The following MID2 variants were observed in gnomAD, a reference collection of about 807,000 sequenced individuals.
MID2 encodes the protein midline 2, also known as probable E3 ubiquitin-protein ligase MID2.
In MID2, 13 loss-of-function variants were observed where a neutral mutation model predicts 46.1. That is an observed-to-expected ratio of 0.28 (90% CI 0.18 to 0.45). The LOEUF (loss-of-function observed/expected upper bound fraction) is 0.45, where lower values mean the gene tolerates loss of function less well. Ranked by LOEUF, MID2 falls within the 20% of genes least tolerant of loss-of-function variation. MID2 has a pLI of 1.00. For missense variants in MID2, 431 were observed against 575.4 expected, an observed-to-expected ratio of 0.75 and a Z score of 2.57; for synonymous variants, 199 against 212.3, an observed-to-expected ratio of 0.94 and a Z score of 0.55.
intron 3 of MID2, among the ~76,000 whole-genome samples, chrX:107,869,056 G>C (rs762863157): frequency 2.9e-4 from 32 of 109,412 alleles, no homozygotes; most frequent in Non-Finnish European, 5.4e-4. Context: ...CTTGTGAAAG[G>C]TCTCCCCCTC....
intron 3 of MID2, among the ~76,000 whole-genome samples, chrX:107,863,867 G>A (rs1300490180): frequency 8.9e-6 from 1 of 112,432 alleles, no homozygotes; most frequent in Non-Finnish European, 1.9e-5. Context: ...AGCAAGGATT[G>A]GGAGGAAGAG....
rs374183811 is a variant in MID2, at chrX:107,924,382, A to G, written c.1475A>G (p.Asn492Ser). Reference protein sequence around the residue: ...NSVDSWMIVPNIKQNHYTVHG... With the variant: ...NSVDSWMIVPSIKQNHYTVHG... ...GTAGACAGCTGGATGATTGTTCCCA[A>G]CATTAAACAGAACCATTACACAGTG... is the stretch of plus-strand genomic sequence containing the variant. The change falls in exon 8 of 10, where the codon AAC becomes AGC. Residue 492 changes from asparagine (N) to serine (S), a missense_variant. Physicochemically the swap from Asn to Ser is conservative, Grantham distance 46. Transcript: ENST00000262843. The G allele has an allele frequency of 4.1e-6, 5 of 1,208,647 alleles. No homozygotes were observed. The highest frequency in any genetic ancestry group is 3.5e-5 in the South Asian group (2 of 56,758).
chrX:107,862,479 A>G (rs1383868529), intron 3 of MID2, among the ~76,000 whole-genome samples: 1 of 112,304 alleles, frequency 8.9e-6, no homozygotes, highest in Non-Finnish European at 1.9e-5. Context: ...GCCCACCAGT[A>G]ACTCTGCAGA....
chrX:107,874,747 C>G (rs1367034038), intron 3 of MID2, among the ~76,000 whole-genome samples: 1 of 111,460 alleles, frequency 9.0e-6, no homozygotes, highest in Non-Finnish European at 1.9e-5. Context: ...TATCCATAGT[C>G]TGAAGAATCC....
chrX:107,888,255 G>A (rs1466179411), intron 3 of MID2, among the ~76,000 whole-genome samples: 1 of 111,650 alleles, frequency 9.0e-6, no homozygotes, highest in African/African-American at 3.3e-5. Context: ...TTCTCTTGTG[G>A]GCATTTAGTG....
intron 3 of MID2, among the ~76,000 whole-genome samples, chrX:107,863,752 G>T (rs1931902695): frequency 8.9e-6 from 1 of 112,388 alleles, no homozygotes; most frequent in Non-Finnish European, 1.9e-5. Flanking sequence ...TAAAAACCCA[G>T]ACTTGAAACC....
At chrX:107,866,478 A>AC (rs1931961445) in intron 3 of MID2, among the ~76,000 whole-genome samples, 3 of 100,386 alleles carry the variant, frequency 3.0e-5, no homozygotes, top group Non-Finnish European at 6.1e-5. Context: ...CACACACACA[A>AC]CACTGACCTA....
At chrX:107,895,989 T>A (rs1932723980) in intron 3 of MID2, 1 of 112,513 alleles carries the variant, frequency 8.9e-6, no homozygotes, top group East Asian at 2.8e-4. Context: ...TCACAAAAAA[T>A]TTTATAGCTA....
chrX:107,833,525 C>T (rs977569443), intron 1 of MID2, among the ~76,000 whole-genome samples: 55 of 109,183 alleles, frequency 5.0e-4, no homozygotes, highest in African/African-American at 1.7e-3. Flanking sequence ...GAAGGGAATA[C>T]TATAACTCCT....
In MID2 at chrX:107,828,567, A is replaced by G. The variant is rs188490658; in HGVS notation, c.4+2137A>G. Among the ~76,000 whole-genome samples, 6 of 111,688 alleles carry G rather than the reference A, an allele frequency of 5.4e-5. No homozygotes were observed. The East Asian group carries it at 1.4e-3, about 26-fold the overall frequency. ...GGTCAAGCTGTCTGAGGGCCTCGCCAAGTGCTGGGATTACAGGCGAGAGCG... is the reference window on the plus strand; with the variant it reads ...GGTCAAGCTGTCTGAGGGCCTCGCCGAGTGCTGGGATTACAGGCGAGAGCG... On this transcript the variant is annotated intron_variant, in intron 1 of 9. Coordinates refer to ENST00000262843, the MANE Select transcript of MID2 (RefSeq NM_012216.4).
chrX:107,924,595 G>T, intron 8 of MID2, 91 bp downstream of exon 8: 1 of 947,852 alleles, frequency 1.1e-6, no homozygotes, highest in African/African-American at 1.9e-5. Flanking sequence ...AGCAGTGCAT[G>T]GGGAGCAGTG....
intron 3 of MID2, among the ~76,000 whole-genome samples, chrX:107,899,029 C>G (rs1328124754): frequency 1.8e-5 from 2 of 110,693 alleles, no homozygotes; most frequent in Non-Finnish European, 3.8e-5. Context: ...CAATGATGCA[C>G]TATAGGACTG....
rs752852478 is a variant in MID2, at chrX:107,841,125, T to C, written c.460T>C (p.Cys154Arg). 3 of 1,209,312 alleles carry C rather than the reference T, an allele frequency of 2.5e-6. No homozygotes were observed. Among genetic ancestry groups the C allele is most frequent in the Admixed American group, 4.4e-5 (2 of 45,749 alleles). The change falls in exon 2 of 10, where the codon TGC becomes CGC. Residue 154 changes from cysteine (C) to arginine (R), a missense_variant. Cys to Arg is a radical substitution (Grantham distance 180). Coordinates refer to ENST00000262843, the MANE Select transcript of MID2 (RefSeq NM_012216.4). ...QDPPRDAVKT[C>R]ITCEVSYCDR... is the part of the protein sequence containing the mutation. ...CCCGCCAAGGGATGCAGTAAAAACA[T>C]GCATCACCTGTGAGGTCTCCTACTG...
intron 2 of MID2, among the ~76,000 whole-genome samples, chrX:107,854,122 G>T (rs944258875): frequency 3.6e-5 from 4 of 111,685 alleles, no homozygotes; most frequent in African/African-American, 9.8e-5. Context: ...TTATGTTAGG[G>T]TTACATCTGG....
intron 2 of MID2, among the ~76,000 whole-genome samples, chrX:107,847,763 C>T (rs1232596736): frequency 1.8e-5 from 2 of 111,455 alleles, no homozygotes; most frequent in Non-Finnish European, 3.8e-5. Context: ...CAGCCTCAAC[C>T]CTGATGGAGC....
At chrX:107,825,775 G>T (rs1431164289), upstream of MID2, 1 of 177,811 alleles carries the variant, frequency 5.6e-6, no homozygotes, top group Admixed American at 8.0e-5. Context: ...ACAGGGCGCT[G>T]GAGAAAAGGC....
rs1318903135 is a variant in MID2, at chrX:107,931,216, T to C, written c.*4143T>C. Among the ~76,000 whole-genome samples the C allele has an allele frequency of 8.9e-6, 1 of 112,184 alleles. No individual in the cohort carries two copies. The highest frequency in any genetic ancestry group is 1.9e-5 in the Non-Finnish European group (1 of 53,210). On this transcript the variant is annotated 3_prime_UTR_variant, in exon 10 of 10. Transcript: ENST00000262843. Reference sequence around the variant, plus strand: ...ATAAACTCAAATATTTGATACTGCTTCCTCCAAGGAATGGAGAGTGTCAGG... The same window carrying C: ...ATAAACTCAAATATTTGATACTGCTCCCTCCAAGGAATGGAGAGTGTCAGG...
At position 107,841,452 on chromosome X, in the gene MID2, T is replaced by C. The variant is rs921355442; in HGVS notation, c.720+67T>C. On this transcript the variant is annotated intron_variant, in intron 2 of 9. Coordinates refer to ENST00000262843, the MANE Select transcript of MID2 (RefSeq NM_012216.4). ...TAAATGCAGTTAGCAAGTTCTCTAA[T>C]AAAATAGGTGACTTTTCCTATATGA... 10 of 839,991 alleles carry C rather than the reference T, an allele frequency of 1.2e-5. No homozygotes were observed. The African/African-American group carries it at 2.0e-4, about 17-fold the overall frequency. The allele number at this position is 839,991 out of a possible 1,213,427, so 69.2% of individuals were successfully genotyped here. A position where few individuals can be genotyped will look rare whatever the true frequency, so the allele number is the denominator to read the frequency against.
At chrX:107,853,688 T>A (rs1311307148) in intron 2 of MID2, among the ~76,000 whole-genome samples, 1 of 111,246 alleles carries the variant, frequency 9.0e-6, no homozygotes, top group East Asian at 2.8e-4. Context: ...AGGAAAGCTG[T>A]GAGATACAAT....
Sources: gnomAD v4.1 joint callset for allele counts (sites outside exome capture counted in the v4.1 genomes callset) on GRCh38, gnomAD v4.1.1 for gene constraint, MANE v1.5 for transcripts, NCBI Gene and HGNC (gene_info 2026-07-23, HGNC 2026-07-21) for gene names.